Variants in AIM2 observed in about 807,000 individuals in gnomAD.
AIM2 encodes absent in melanoma 2, also known as interferon-inducible protein AIM2.
In AIM2, 30 loss-of-function variants were observed where a neutral mutation model predicts 27.7. That is an observed-to-expected ratio of 1.08 (90% confidence interval 0.81 to 1.47). The LOEUF (loss-of-function observed/expected upper bound fraction) is 1.47. Among genes scored for constraint, AIM2 ranks in the 40% most tolerant of loss-of-function variants. The pLI is 0.00. For synonymous variants in AIM2, 141 were observed against 145.3 expected (o/e 0.97, Z 0.21); for missense variants, 358 against 411.3 (o/e 0.87, Z 1.12).
At chr1:159,058,348 CAAA>C (rs34913942), downstream of AIM2, among the ~76,000 whole-genome samples, 60 of 117,792 alleles carry the variant, frequency 5.1e-4, no homozygotes, top group African/African-American at 9.8e-4. Flanking sequence ...GATTCTGTCT[CAAA>C]AAAAAAAAAA....
chr1:159,130,179 C>T (rs184710317), intron 1 of AIM2, among the ~76,000 whole-genome samples: 17 of 152,308 alleles, frequency 1.1e-4, no homozygotes, highest in Admixed American at 2.0e-4. Context: ...CTCATTTGCT[C>T]GCTTCTACCT....
chr1:159,146,252 TG>T (rs1381170273), intron 1 of AIM2, among the ~76,000 whole-genome samples: 1 of 152,144 alleles, frequency 6.6e-6, no homozygotes. Flanking sequence ...CTGGGAAGTT[TG>T]GGGGAAAACT....
chr1:159,084,370 T>C (rs934381019), intron 1 of AIM2, among the ~76,000 whole-genome samples: 1 of 152,118 alleles, frequency 6.6e-6, no homozygotes, highest in African/African-American at 2.4e-5. Flanking sequence ...AAAACACAGC[T>C]AGACTTCCTA....
chr1:159,075,595 G>A (rs1005900364), intron 1 of AIM2, among the ~76,000 whole-genome samples: 1 of 142,236 alleles, frequency 7.0e-6, no homozygotes, highest in East Asian at 2.1e-4. Context: ...GGCTATACCT[G>A]CTATATATAT....
intron 1 of AIM2, among the ~76,000 whole-genome samples, chr1:159,111,528 A>G (rs1657571728): frequency 6.6e-6 from 1 of 152,198 alleles, no homozygotes; most frequent in Non-Finnish European, 1.5e-5. Context: ...CTACATCCGG[A>G]AGCAATTTAC....
intron 1 of AIM2, among the ~76,000 whole-genome samples, chr1:159,109,466 A>G (rs1657520408): frequency 6.6e-6 from 1 of 152,250 alleles, no homozygotes; most frequent in Non-Finnish European, 1.5e-5. Flanking sequence ...CTAGAAGATA[A>G]CATTGGAAAA....
intron 1 of AIM2, among the ~76,000 whole-genome samples, chr1:159,130,800 CCACACACA>C (rs10557540): frequency 0.11 from 15,950 of 145,044 alleles, 878 homozygotes; most frequent in Non-Finnish European, 0.13. Context: ...AGCCTGGTCA[CCACACACA>C]CACACACACA....
chr1:159,068,423 T>C (rs537333345), intron 3 of AIM2, 145 bp downstream of exon 3: 1 of 1,121,082 alleles, frequency 8.9e-7, no homozygotes, highest in African/African-American at 1.6e-5. Flanking sequence ...AGTTCCTGTT[T>C]TTGTGACTCA....
intron 1 of AIM2, among the ~76,000 whole-genome samples, chr1:159,087,976 A>T (rs959093153): frequency 6.6e-6 from 1 of 152,134 alleles, no homozygotes; most frequent in Non-Finnish European, 1.5e-5. Context: ...ATAATTAAAA[A>T]TTTTTCAGTT....
downstream of AIM2, among the ~76,000 whole-genome samples, chr1:159,061,478 C>T (rs534472137): frequency 9.2e-4 from 140 of 152,044 alleles, 1 homozygote; most frequent in African/African-American, 2.9e-3. Context: ...CTGCAAACTC[C>T]GCCTCCTGGG....
chr1:159,139,358 G>A (rs1309757069), intron 1 of AIM2, among the ~76,000 whole-genome samples: 1 of 152,208 alleles, frequency 6.6e-6, no homozygotes, highest in Admixed American at 6.5e-5. Context: ...GGCAGGGGCT[G>A]AGCATTCAGA....
intron 1 of AIM2, among the ~76,000 whole-genome samples, chr1:159,129,473 T>C (rs1456980406): frequency 6.6e-6 from 1 of 152,182 alleles, no homozygotes; most frequent in Non-Finnish European, 1.5e-5. Flanking sequence ...AACCCAACAA[T>C]AGGACACTGT....
intron 1 of AIM2, among the ~76,000 whole-genome samples, chr1:159,084,670 G>A (rs1303018040): frequency 1.3e-5 from 2 of 151,992 alleles, no homozygotes; most frequent in Non-Finnish European, 2.9e-5. Flanking sequence ...TTACTTGGGA[G>A]GTTGAGGCAG....
At chr1:159,080,549 A>G (rs1267409775), upstream of AIM2, among the ~76,000 whole-genome samples, 1 of 152,186 alleles carries the variant, frequency 6.6e-6, no homozygotes, top group Non-Finnish European at 1.5e-5. Context: ...TAAAAAATGT[A>G]TCCTTTAAAC....
intron 1 of AIM2, among the ~76,000 whole-genome samples, chr1:159,135,322 C>T (rs866583690): frequency 1.3e-5 from 2 of 152,142 alleles, no homozygotes; most frequent in African/African-American, 4.8e-5. Flanking sequence ...TAGTTCTGTG[C>T]TTTTATAATT....
At chr1:159,127,566 G>A (rs769675720) in intron 1 of AIM2, among the ~76,000 whole-genome samples, 13 of 152,232 alleles carry the variant, frequency 8.5e-5, no homozygotes, top group Non-Finnish European at 1.3e-4. Flanking sequence ...GAATACCTTG[G>A]TGAAGCTGAT....
intron 1 of AIM2, among the ~76,000 whole-genome samples, chr1:159,118,045 C>G (rs527463935): frequency 1.3e-5 from 2 of 152,248 alleles, no homozygotes; most frequent in East Asian, 3.9e-4. Context: ...AGAAAAATCT[C>G]TTATACAGCC....
intron 1 of AIM2, among the ~76,000 whole-genome samples, chr1:159,097,171 G>A (rs1657198765): frequency 6.6e-6 from 1 of 152,034 alleles, no homozygotes; most frequent in Admixed American, 6.5e-5. Context: ...TCTGAGACCT[G>A]ACATTCCTTA....
chr1:159,129,491 G>A (rs1258614063), intron 1 of AIM2, among the ~76,000 whole-genome samples: 2 of 152,130 alleles, frequency 1.3e-5, no homozygotes, highest in Non-Finnish European at 2.9e-5. Flanking sequence ...TGTGGTTAAT[G>A]GTGCAAGTCT....
Sources: gnomAD v4.1 joint callset for allele counts (sites outside exome capture counted in the v4.1 genomes callset) on GRCh38, gnomAD v4.1.1 for gene constraint, MANE v1.5 for transcripts, NCBI Gene and HGNC (gene_info 2026-07-23, HGNC 2026-07-21) for gene names.